The following TSEN15 variants were observed in gnomAD, a reference collection of about 807,000 sequenced individuals.
TSEN15 encodes the protein tRNA-splicing endonuclease subunit Sen15.
In TSEN15, 10 loss-of-function variants were observed where a neutral mutation model predicts 20.5. That is an observed-to-expected ratio of 0.49 (90% CI 0.30 to 0.83). The LOEUF is 0.83. TSEN15 is among the 40% of genes least tolerant of loss of function. The pLI, the probability that TSEN15 is intolerant of heterozygous loss-of-function variation, is 0.06. For missense variants in TSEN15, 180 were observed against 218.6 expected (o/e 0.82, Z 1.11); for synonymous variants, 72 against 80.1 (o/e 0.90, Z 0.54).
intron 3 of TSEN15, among the ~76,000 whole-genome samples, chr1:184,056,563 T>TTA (rs1285682527): frequency 6.6e-6 from 1 of 152,158 alleles, no homozygotes; most frequent in Non-Finnish European, 1.5e-5. Flanking sequence ...TATCCATCTT[T>TTA]TATAATCAAC....
chr1:184,072,098 T>C, intron 3 of TSEN15, 59 bp from the exon 4 acceptor site: 1 of 1,543,394 alleles, frequency 6.5e-7, no homozygotes, highest in Non-Finnish European at 8.8e-7. Context: ...CTTTCTTCTG[T>C]CACATCTCAT....
intron 1 of TSEN15, 44 bp downstream of exon 1, chr1:184,051,934 C>T: frequency 6.8e-7 from 1 of 1,475,674 alleles, no homozygotes; most frequent in Non-Finnish European, 9.0e-7. Flanking sequence ...AGGCCCCTAA[C>T]CCAGGCAGAA....
Position 184,072,941 on chromosome 1 carries a change from G to C in TSEN15, c.*94G>C. Reference sequence around the variant, plus strand: ...CTTTTATCTCAGAAATAGGGTTGACGTACATAGTGAGGGTTGACTTCCCCA... The same window carrying C: ...CTTTTATCTCAGAAATAGGGTTGACCTACATAGTGAGGGTTGACTTCCCCA... On this transcript the variant is annotated 3_prime_UTR_variant, in exon 5 of 5. Transcript: ENST00000645668. 1 of 1,267,570 alleles carries C rather than the reference G, an allele frequency of 7.9e-7. No homozygotes were observed. The highest frequency in any genetic ancestry group is 1.1e-6 in the Non-Finnish European group (1 of 901,576). 78.5% of individuals were successfully genotyped at this position (1,267,570 alleles called of 1,614,324 possible).
chr1:184,067,505 G>C (rs1650713304), intron 3 of TSEN15, among the ~76,000 whole-genome samples: 4 of 152,184 alleles, frequency 2.6e-5, no homozygotes, highest in African/African-American at 9.7e-5. Context: ...TTTGTTGAAA[G>C]ATTGGGTAAG....
downstream of TSEN15, among the ~76,000 whole-genome samples, chr1:184,075,241 T>G (rs963745375): frequency 1.3e-5 from 2 of 152,150 alleles, no homozygotes; most frequent in African/African-American, 2.4e-5. Context: ...ATGTTCCCTG[T>G]GTACTTCACC....
At chr1:184,093,879 A>G (rs1651401499) in intron 3 of TSEN15, 1 of 152,212 alleles carries the variant, frequency 6.6e-6, no homozygotes, top group African/African-American at 2.4e-5. Flanking sequence ...AACTATTTAT[A>G]GGCTTTACTT....
chr1:184,062,738 G>A (rs1014060203), intron 3 of TSEN15, among the ~76,000 whole-genome samples: 1 of 151,662 alleles, frequency 6.6e-6, no homozygotes, highest in African/African-American at 2.4e-5. Context: ...CTACTGGTAG[G>A]GTTTTTTTTG....
intron 3 of TSEN15, chr1:184,058,307 TATAA>T (rs1401879444): frequency 6.6e-6 from 2 of 304,250 alleles, no homozygotes; most frequent in African/African-American, 4.4e-5. Flanking sequence ...CTTGTTTTTA[TATAA>T]ATATTCTTAA....
intron 3 of TSEN15, among the ~76,000 whole-genome samples, chr1:184,083,886 T>G (rs1651213226): frequency 2.0e-5 from 3 of 152,184 alleles, no homozygotes. Flanking sequence ...AGATCTTTCC[T>G]TCTCACCCTC....
chr1:184,087,738 G>A (rs1040112703), intron 3 of TSEN15, among the ~76,000 whole-genome samples: 20 of 152,206 alleles, frequency 1.3e-4, no homozygotes, highest in Non-Finnish European at 2.9e-5. Context: ...ATTTGGATGT[G>A]AGAAAGTAGA....
At chr1:184,057,750 A>G (rs1650299708) in intron 3 of TSEN15, among the ~76,000 whole-genome samples, 2 of 152,178 alleles carry the variant, frequency 1.3e-5, no homozygotes, top group Admixed American at 1.3e-4. Flanking sequence ...TATTATTCAT[A>G]ATGAGAATTG....
intron 3 of TSEN15, chr1:184,093,682 T>C (rs1403042381): frequency 6.6e-6 from 1 of 152,218 alleles, no homozygotes; most frequent in Non-Finnish European, 1.5e-5. Flanking sequence ...TCTCACCTTC[T>C]TGTGAATCAG....
At chr1:184,076,518 G>A (rs1054092458), downstream of TSEN15, among the ~76,000 whole-genome samples, 4 of 152,128 alleles carry the variant, frequency 2.6e-5, no homozygotes, top group Non-Finnish European at 1.5e-5. Flanking sequence ...TGGCCTCTAT[G>A]TGTTCAAGTA....
downstream of TSEN15, among the ~76,000 whole-genome samples, chr1:184,079,193 C>T (rs987947343): frequency 6.6e-6 from 1 of 152,082 alleles, no homozygotes; most frequent in African/African-American, 2.4e-5. Flanking sequence ...AATCAAATGT[C>T]TAGTAGGTGG....
chr1:184,070,244 C>G (rs182693104), intron 3 of TSEN15, among the ~76,000 whole-genome samples: 4 of 152,040 alleles, frequency 2.6e-5, no homozygotes, highest in Middle Eastern at 3.4e-3. Flanking sequence ...ACACCACCCC[C>G]CAACACACAC....
At chr1:184,077,831 C>A (rs568228742), downstream of TSEN15, among the ~76,000 whole-genome samples, 21 of 152,284 alleles carry the variant, frequency 1.4e-4, no homozygotes, top group East Asian at 3.9e-3. Flanking sequence ...TTTCATGAGA[C>A]AACCTGAACA....
chr1:184,085,998 CA>C (rs1651255369), intron 3 of TSEN15, among the ~76,000 whole-genome samples: 1 of 152,154 alleles, frequency 6.6e-6, no homozygotes, highest in Non-Finnish European at 1.5e-5. Flanking sequence ...CTTATCTATA[CA>C]AAATGTATGC....
intron 3 of TSEN15, among the ~76,000 whole-genome samples, chr1:184,082,163 A>G (rs1158536722): frequency 1.3e-5 from 2 of 152,158 alleles, no homozygotes; most frequent in Non-Finnish European, 2.9e-5. Flanking sequence ...TTCAGGGTGC[A>G]TTAGCATCTG....
intron 3 of TSEN15, among the ~76,000 whole-genome samples, chr1:184,090,808 A>T (rs1029555450): frequency 6.6e-6 from 1 of 152,210 alleles, no homozygotes; most frequent in African/African-American, 2.4e-5. Flanking sequence ...AGGCTTGCTC[A>T]GGTGTCCCAG....
Sources: gnomAD v4.1 joint callset for allele counts (sites outside exome capture counted in the v4.1 genomes callset) on GRCh38, gnomAD v4.1.1 for gene constraint, MANE v1.5 for transcripts, NCBI Gene and HGNC (gene_info 2026-07-23, HGNC 2026-07-21) for gene names.